The following JADE1 variants were observed in gnomAD, a reference collection of about 807,000 sequenced individuals.
JADE1 encodes jade family PHD finger 1.
In JADE1, 14 loss-of-function variants were observed where a neutral mutation model predicts 81.8. That is an observed-to-expected ratio of 0.17 (90% confidence interval 0.11 to 0.27). JADE1 has a LOEUF of 0.27. Ranked by LOEUF, JADE1 falls within the 10% of genes least tolerant of loss-of-function variation. The pLI is 1.00. For missense variants in JADE1, 690 were observed against 1,047.9 expected (o/e 0.66, Z 4.71); for synonymous variants, 353 against 391.9 (o/e 0.90, Z 1.17).
chr4:128,819,138 C>T (rs1727317706), intron 1 of JADE1, among the ~76,000 whole-genome samples: 1 of 152,218 alleles, frequency 6.6e-6, no homozygotes, highest in Non-Finnish European at 1.5e-5. Flanking sequence ...TTGATTGTTT[C>T]TGCTGGTGGC....
chr4:128,842,093 A>C, intron 2 of JADE1, among the ~76,000 whole-genome samples: 1 of 152,112 alleles, frequency 6.6e-6, no homozygotes, highest in East Asian at 1.9e-4. Flanking sequence ...GTTATTTGGC[A>C]ATTGGCCCCT....
chr4:128,827,546 T>A (rs1303846572), intron 1 of JADE1, among the ~76,000 whole-genome samples: 1 of 152,170 alleles, frequency 6.6e-6, no homozygotes, highest in African/African-American at 2.4e-5. Flanking sequence ...CTAGAACAGA[T>A]GCCTGAGTAA....
chr4:128,871,261 C>T lies in JADE1; in HGVS notation c.1622-94C>T. ...GTGTTGTGTTGTTGGGTGGGGAGTT[C>T]ACATCAATTGGGCCACACTAAGGGT... On this transcript the variant is annotated intron_variant, in intron 10 of 10. Transcript: ENST00000226319. The surrounding 1 kb of genome is among the most constrained non-coding windows in gnomAD (Gnocchi z 4.1). The T allele has an allele frequency of 2.4e-6, 3 of 1,234,066 alleles. No individual in the cohort carries two copies. Among genetic ancestry groups the T allele is most frequent in the Non-Finnish European group, 3.4e-6 (3 of 881,888 alleles). 76.4% of individuals were successfully genotyped at this position (1,234,066 alleles called of 1,614,324 possible).
chr4:128,857,476 G>A, intron 8 of JADE1, 22 bp downstream of exon 8: 1 of 1,574,360 alleles, frequency 6.4e-7, no homozygotes, highest in Non-Finnish European at 8.7e-7. Flanking sequence ...CCTAAGAATG[G>A]CTTCATTTTC....
At position 128,872,177 on chromosome 4, in the gene JADE1, A is replaced by G; in HGVS notation, c.2444A>G (p.Glu815Gly). The G allele has an allele frequency of 1.9e-6, 3 of 1,614,180 alleles. No individual in the cohort carries two copies. The highest frequency in any genetic ancestry group is 2.5e-6 in the Non-Finnish European group (3 of 1,180,010). Residue 815 changes from glutamate (E) to glycine (G), a missense_variant, in exon 11 of 11, where the codon GAG becomes GGG. Physicochemically the swap from Glu to Gly is moderately conservative, Grantham distance 98 (BLOSUM62 -2). Coordinates refer to ENST00000226319, the MANE Select transcript of JADE1 (RefSeq NM_199320.4). ...PDVEMSDSES[E>G]ASEKKCIHTS... ...GTGGAAATGAGTGACTCAGAGAGTG[A>G]GGCATCAGAAAAGAAATGTATACAC...
intron 10 of JADE1, 42 bp downstream of exon 10, chr4:128,868,015 T>G (rs757347025): frequency 2.9e-6 from 3 of 1,026,980 alleles, no homozygotes; most frequent in Non-Finnish European, 4.5e-6. Flanking sequence ...AGGGCAGGGG[T>G]TTGTAAGCTT....
rs1732361894 is a variant in JADE1 at position 128,873,491 on chromosome 4, CTA to C, written c.*1231_*1232del. On this transcript the variant is annotated 3_prime_UTR_variant, in exon 11 of 11. Coordinates refer to ENST00000226319, the MANE Select transcript of JADE1 (RefSeq NM_199320.4). Reference sequence around the variant, plus strand: ...ACTTTCTAATTGCAAATGGCAATAACTATTAAGTTATCAGCAATAATAAATTT... The same window carrying C: ...ACTTTCTAATTGCAAATGGCAATAACTTAAGTTATCAGCAATAATAAATTT... The C allele has an allele frequency of 6.6e-6, 1 of 152,524 alleles. No individual in the cohort carries two copies. The highest frequency in any genetic ancestry group is 6.6e-5 in the Admixed American group (1 of 15,262). 9.4% of individuals were successfully genotyped at this position (152,524 alleles called of 1,614,324 possible).
chr4:128,867,253 A>G (rs1277738211), intron 9 of JADE1, among the ~76,000 whole-genome samples: 1 of 152,226 alleles, frequency 6.6e-6, no homozygotes. Context: ...GCTACCTGCT[A>G]ACTCCAGGCC....
intron 8 of JADE1, among the ~76,000 whole-genome samples, chr4:128,859,398 AGTGCGTATGCGTGTGTATGCATGT>A (rs1440407295): frequency 2.0e-5 from 3 of 151,342 alleles, no homozygotes; most frequent in African/African-American, 7.3e-5. Flanking sequence ...TGCATGCGTG[AGTGCGTATGCGTGTGTATGCATGT>A]GTGCATATGT....
chr4:128,871,369 T>C lies in JADE1; in HGVS notation c.1636T>C (p.Cys546Arg). ...TATGTTTATAGGTGTGCCTTCTTCCTGCTCCTCCTCCTCACTGGAAAACAT... is the reference window on the plus strand; with the variant it reads ...TATGTTTATAGGTGTGCCTTCTTCCCGCTCCTCCTCCTCACTGGAAAACAT... ...QERVSGVPSS[C>R]SSSSLENMLL... The change falls in exon 11 of 11, where the codon TGC becomes CGC. Residue 546 changes from cysteine to arginine, a missense_variant. Cys to Arg is a radical substitution (Grantham distance 180, BLOSUM62 -3). Transcript: ENST00000226319. The surrounding 1 kb of genome is among the most constrained non-coding windows in gnomAD (Gnocchi z 4.1). 1 of 1,613,128 alleles carries C rather than the reference T, an allele frequency of 6.2e-7. No homozygotes were observed. The highest frequency in any genetic ancestry group is 1.1e-5 in the South Asian group (1 of 91,052).
chr4:128,835,858 G>A (rs1041042880), intron 2 of JADE1, among the ~76,000 whole-genome samples: 1 of 152,210 alleles, frequency 6.6e-6, no homozygotes, highest in Admixed American at 6.5e-5. Context: ...TACCAGTGTG[G>A]TATTTACAGT....
chr4:128,867,898 A>G lies in JADE1; in HGVS notation c.1546A>G (p.Lys516Glu). 6.2e-7 allele frequency: 1 copy of G among 1,613,960 alleles called. No individual in the cohort carries two copies. Among genetic ancestry groups the G allele is most frequent in the Non-Finnish European group, 8.5e-7 (1 of 1,179,854 alleles). ...CATGGTGACCCGCAGGGAAAAGATT[A>G]AACGGTCTGTGTGCAAAGTCCAGGA... ...TYMVTRREKI[K>E]RSVCKVQEQI... Residue 516 changes from lysine to glutamate, a missense_variant, in exon 10 of 11, where the codon AAA (lysine) becomes GAA (glutamate). By Grantham distance (56) the Lys-to-Glu change is moderately conservative. Around this residue, in one of 8 missense-constraint regions of JADE1, gnomAD observed 86 missense variants for 95.4 expected, o/e 0.90. Coordinates refer to ENST00000226319, the MANE Select transcript of JADE1 (RefSeq NM_199320.4).
At chr4:128,855,118 C>G (rs1179863336) in intron 6 of JADE1, among the ~76,000 whole-genome samples, 1 of 152,058 alleles carries the variant, frequency 6.6e-6, no homozygotes, top group Non-Finnish European at 1.5e-5. Context: ...TGTTCCATTG[C>G]CATCTCATTC....
At chr4:128,825,041 T>TTTTTGTTTC (rs1176778270) in intron 1 of JADE1, among the ~76,000 whole-genome samples, 1 of 152,188 alleles carries the variant, frequency 6.6e-6, no homozygotes, top group Non-Finnish European at 1.5e-5. Flanking sequence ...CCTTTCCCTT[T>TTTTTGTTTC]TTTTGTTTCT....
chr4:128,809,960 G>A (rs1726190734), intron 1 of JADE1, 83 bp downstream of exon 1: 2 of 156,268 alleles, frequency 1.3e-5, no homozygotes, highest in Non-Finnish European at 2.8e-5. Context: ...GTCCGTGTGC[G>A]CGTCCCGGTC....
Position 128,811,003 on chromosome 4 carries a change from G to A in JADE1, c.-27+1126G>A, listed in dbSNP as rs76091097. Among the ~76,000 whole-genome samples, 1,261 of 152,306 alleles carry A rather than the reference G, an allele frequency of 8.3e-3. 20 individuals are homozygous for A. Among genetic ancestry groups the A allele is most frequent in the African/African-American group, 0.029 (1,209 of 41,560 alleles). ...TTGCTTCCTTAAATGAACGTGTAGT[G>A]TGTACCCCGGGACTGCAAGTTGCAG... On this transcript the variant is annotated intron_variant, in intron 1 of 10. Transcript: ENST00000226319.
intron 9 of JADE1, chr4:128,864,240 C>T (rs181072537): frequency 8.9e-6 from 5 of 561,192 alleles, no homozygotes; most frequent in Middle Eastern, 9.0e-4. Flanking sequence ...CTCCGCCTCC[C>T]GGGTTCAAGT....
chr4:128,851,691 C>T (rs192520213), intron 5 of JADE1, among the ~76,000 whole-genome samples: 15 of 152,208 alleles, frequency 9.9e-5, no homozygotes, highest in South Asian at 2.1e-4. Flanking sequence ...GATTGAGACA[C>T]GGTCTTATGT....
At chr4:128,852,844 G>C (rs534570486) in intron 6 of JADE1, among the ~76,000 whole-genome samples, 1 of 152,172 alleles carries the variant, frequency 6.6e-6, no homozygotes, top group Admixed American at 6.5e-5. Flanking sequence ...GGCAATCTTG[G>C]GCATTCCTTG....
Sources: gnomAD v4.1 joint callset for allele counts (sites outside exome capture counted in the v4.1 genomes callset) on GRCh38, gnomAD v4.1.1 for gene constraint, gnomAD v4.1.1 regional missense constraint, Gnocchi (gnomAD v3.1) non-coding constraint, MANE v1.5 for transcripts, NCBI Gene and HGNC (gene_info 2026-07-23, HGNC 2026-07-21) for gene names.